Variants in CCDC30 observed in about 807,000 individuals in gnomAD.
CCDC30 encodes coiled-coil domain containing 30.
A neutral mutation model predicts 100.2 loss-of-function variants in CCDC30; 70 were observed. The observed-to-expected ratio is 0.70, with a 90% confidence interval of 0.58 to 0.85. The LOEUF is 0.85. CCDC30 is among the 40% of genes least tolerant of loss of function. The pLI, the probability that CCDC30 is intolerant of heterozygous loss-of-function variation, is 0.00. For missense variants in CCDC30, 652 were observed against 771.2 expected, an observed-to-expected ratio of 0.85 and a Z score of 1.83; for synonymous variants, 233 against 269.5, an observed-to-expected ratio of 0.86 and a Z score of 1.33.
At chr1:42,466,430 T>C (rs1643584847) in intron 1 of CCDC30, among the ~76,000 whole-genome samples, 1 of 152,236 alleles carries the variant, frequency 6.6e-6, no homozygotes, top group East Asian at 1.9e-4. Flanking sequence ...TCTAGAAGTT[T>C]TTGGAGGCCT....
At chr1:42,656,757 A>G (rs1034935691), downstream of CCDC30, among the ~76,000 whole-genome samples, 1 of 152,236 alleles carries the variant, frequency 6.6e-6, no homozygotes, top group African/African-American at 2.4e-5. Context: ...GGGAACAATA[A>G]TAGTTCTCTA....
chr1:42,530,651 A>G (rs1220025564), intron 6 of CCDC30, among the ~76,000 whole-genome samples: 1 of 152,230 alleles, frequency 6.6e-6, no homozygotes, highest in East Asian at 1.9e-4. Context: ...CTCTCAATTT[A>G]ACATTTTAAA....
At chr1:42,473,303 A>T in intron 1 of CCDC30, 1 of 1,222,956 alleles carries the variant, frequency 8.2e-7, no homozygotes, top group Non-Finnish European at 1.0e-6. Context: ...AAACAAAAGA[A>T]GTGAGAACTA....
At chr1:42,623,383 C>A (rs1051344695) in intron 11 of CCDC30, among the ~76,000 whole-genome samples, 3 of 152,142 alleles carry the variant, frequency 2.0e-5, no homozygotes, top group Non-Finnish European at 4.4e-5. Context: ...AGATTTAAGT[C>A]CTTAATCAAT....
rs573500029 is a variant in CCDC30, at chr1:42,544,190, G to A, written c.457-22106G>A. 3.9e-3 allele frequency among the ~76,000 whole-genome samples: 590 copies of A among 152,276 alleles called. 5 individuals are homozygous for A. Among genetic ancestry groups the A allele is most frequent in the African/African-American group, 0.014 (570 of 41,560 alleles). On this transcript the variant is annotated intron_variant, in intron 6 of 16. Coordinates refer to ENST00000668663, the Ensembl canonical transcript of CCDC30. ...TTACAGGCATGAGCCACTGCGCCTA[G>A]CCCATCTTCCTTTCTTAGAATCATT...
In CCDC30 at chr1:42,467,399, A is replaced by G. The variant is rs1643623643; in HGVS notation, c.-92+3501A>G. On this transcript the variant is annotated intron_variant, in intron 1 of 16. Transcript: ENST00000668663. ...GGCAGTAACCCTAGACATGGAGAGG[A>G]TGAATTAGAAAATGATGAAAGAAGT... is the stretch of plus-strand genomic sequence containing the variant. Among the ~76,000 whole-genome samples the G allele has an allele frequency of 1.3e-5, 2 of 152,218 alleles. 1 individual carries two copies. Among genetic ancestry groups the G allele is most frequent in the South Asian group, 4.1e-4 (2 of 4,830 alleles).
Position 42,631,567 on chromosome 1 carries a change from G to A in CCDC30, c.1278-5670G>A, listed in dbSNP as rs572374032. ...CCTATGTCCTTCCTTTCAGGGCAGCGAGCTCCCCCATGCCCCAGGCAGGTC... is the reference window on the plus strand; with the variant it reads ...CCTATGTCCTTCCTTTCAGGGCAGCAAGCTCCCCCATGCCCCAGGCAGGTC... On this transcript the variant is annotated intron_variant, in intron 11 of 16. Transcript: ENST00000668663. Among the ~76,000 whole-genome samples the A allele has an allele frequency of 7.2e-5, 11 of 152,268 alleles. No homozygotes were observed. The South Asian group carries it at 2.1e-3, about 29-fold the overall frequency.
rs1412638686 is a variant in CCDC30 at position 42,482,825 on chromosome 1, T to C, written c.169+9T>C. 8 of 1,232,646 alleles carry C rather than the reference T, an allele frequency of 6.5e-6. No homozygotes were observed. Among genetic ancestry groups the C allele is most frequent in the Non-Finnish European group, 8.1e-6 (8 of 987,098 alleles). The allele number at this position is 1,232,646 out of a possible 1,614,324, so 76.4% of individuals were successfully genotyped here. On this transcript the variant is annotated intron_variant, in intron 3 of 16. Coordinates refer to ENST00000668663, the Ensembl canonical transcript of CCDC30. The stretch of plus-strand genomic sequence containing the variant: ...GGAACAATGTAAATTAGGTAAGCTG[T>C]GGTTTCAGATGACCATTTCCGATCA...
intron 10 of CCDC30, among the ~76,000 whole-genome samples, chr1:42,602,224 AG>A (rs1208972048): frequency 1.3e-5 from 2 of 152,126 alleles, no homozygotes; most frequent in Non-Finnish European, 2.9e-5. Context: ...TGAAAAAAAA[AG>A]AAATAATAAA....
chr1:42,518,733 C>T (rs375684125), intron 6 of CCDC30, among the ~76,000 whole-genome samples: 3 of 152,186 alleles, frequency 2.0e-5, no homozygotes, highest in African/African-American at 7.2e-5. Flanking sequence ...CAATACATGA[C>T]TGTAATTTTA....
chr1:42,649,419 C>A (rs2148696303), intron 15 of CCDC30, among the ~76,000 whole-genome samples: 1 of 152,262 alleles, frequency 6.6e-6, no homozygotes, highest in East Asian at 1.9e-4. Flanking sequence ...GATAAAAACT[C>A]TCAAAAGATT....
At chr1:42,604,204 A>G (rs1328184410) in intron 10 of CCDC30, among the ~76,000 whole-genome samples, 1 of 152,194 alleles carries the variant, frequency 6.6e-6, no homozygotes, top group Non-Finnish European at 1.5e-5. Flanking sequence ...GGGCAACAAG[A>G]GCAAGACCCA....
In CCDC30 at chr1:42,637,316, C is replaced by T. The variant is rs151164613; in HGVS notation, c.1357C>T (p.Arg453Ter). 9.1e-4 allele frequency: 1,450 copies of T among 1,584,838 alleles called. 1 individual carries two copies. The highest frequency in any genetic ancestry group is 1.1e-3 in the Non-Finnish European group (1,304 of 1,171,066). The change falls in exon 12 of 17, where the codon CGA becomes TGA. Residue 453 changes from arginine (R) to a stop codon, truncating the protein, a stop_gained. Transcript: ENST00000668663. LOFTEE classifies it high-confidence loss of function. The stretch of plus-strand genomic sequence containing the variant: ...TCGTTTAACTAATGAAGTAGAACTA[C>T]GAGATAAGAGAATTAACCAATTTGA...
chr1:42,600,910 T>C (rs764488320), intron 10 of CCDC30, among the ~76,000 whole-genome samples: 22 of 151,794 alleles, frequency 1.4e-4, no homozygotes, highest in Non-Finnish European at 2.1e-4. Flanking sequence ...TTGCTTCCCC[T>C]TCACCTTCCG....
At chr1:42,537,574 A>C in intron 6 of CCDC30, 1 of 318,242 alleles carries the variant, frequency 3.1e-6, no homozygotes, top group Non-Finnish European at 6.1e-6. Context: ...ATTTTATGTA[A>C]CCTATTCCCT....
intron 3 of CCDC30, among the ~76,000 whole-genome samples, chr1:42,489,231 T>A (rs568189947): frequency 6.6e-6 from 1 of 152,264 alleles, no homozygotes; most frequent in South Asian, 2.1e-4. Context: ...AGTTGTGTAA[T>A]GTTGAGCAAC....
At chr1:42,525,034 T>C (rs1644703863) in intron 6 of CCDC30, among the ~76,000 whole-genome samples, 2 of 152,226 alleles carry the variant, frequency 1.3e-5, no homozygotes, top group South Asian at 4.1e-4. Flanking sequence ...AAGCTCATAG[T>C]CATTCTTATC....
chr1:42,462,335 C>T (rs1417049709), upstream of CCDC30, among the ~76,000 whole-genome samples: 1 of 152,050 alleles, frequency 6.6e-6, no homozygotes, highest in Admixed American at 6.6e-5. Context: ...CAAGGAATGT[C>T]TCCCTGAGTA....
At chr1:42,461,517 A>G (rs1569632944), upstream of CCDC30, among the ~76,000 whole-genome samples, 3 of 150,116 alleles carry the variant, frequency 2.0e-5, no homozygotes, top group Admixed American at 1.3e-4. Flanking sequence ...TTTATTTTTC[A>G]TAGAGACAAG....
Sources: allele counts gnomAD v4.1 joint callset (sites outside exome capture counted in the v4.1 genomes callset), GRCh38; gene constraint gnomAD v4.1.1; transcripts MANE v1.5; gene names NCBI Gene and HGNC (gene_info 2026-07-23, HGNC 2026-07-21).